Variants in TNPO2 observed in about 807,000 individuals in gnomAD.
The protein encoded by TNPO2 is transportin-2.
TNPO2 carries 16 observed loss-of-function variants against 111.1 expected under a neutral mutation model. That is an observed-to-expected ratio of 0.14 (90% CI 0.10 to 0.22). TNPO2 has a LOEUF of 0.22. TNPO2 is among the 10% of genes least tolerant of loss of function. The pLI, the probability that TNPO2 is intolerant of heterozygous loss-of-function variation, is 1.00. For synonymous variants in TNPO2, 481 were observed against 475.8 expected, an observed-to-expected ratio of 1.01 and a Z score of -0.14; for missense variants, 530 against 1,173.7, an observed-to-expected ratio of 0.45 and a Z score of 8.01.
chr19:12,710,326 A>T (rs985209026), intron 13 of TNPO2, among the ~76,000 whole-genome samples: 4 of 152,332 alleles, frequency 2.6e-5, no homozygotes, highest in African/African-American at 9.6e-5. Flanking sequence ...GTTTGTCTAC[A>T]TAAGTGCACG....
In TNPO2 at chr19:12,706,836, C is replaced by T. The variant is rs565941555; in HGVS notation, c.1271-41G>A. On this transcript the variant is annotated intron_variant, in intron 13 of 25. Transcript: ENST00000425528. This position sits in a 1 kb window ranked among gnomAD's most constrained non-coding sequence, Gnocchi z 7.0. ...ACCAAGAGGGGGCAGTTTGATTGGG[C>T]CCAGCCACACCCACCGTATGGAGAG... is the stretch of plus-strand genomic sequence containing the variant. 34 of 1,486,284 alleles carry T rather than the reference C, an allele frequency of 2.3e-5. No homozygotes were observed. In the South Asian group the frequency reaches 4.0e-4, roughly 17 times the overall value. 92.1% of individuals were successfully genotyped at this position (1,486,284 alleles called of 1,614,324 possible).
intron 13 of TNPO2, among the ~76,000 whole-genome samples, chr19:12,707,288 C>T (rs1391353691): frequency 6.6e-6 from 1 of 152,000 alleles, no homozygotes; most frequent in Non-Finnish European, 1.5e-5. Context: ...TGAGCCACCG[C>T]GCCCAGCCAA....
chr19:12,707,474 GTTTTCTTTTTT>G (rs1568333806), intron 13 of TNPO2, among the ~76,000 whole-genome samples: 1 of 124,202 alleles, frequency 8.1e-6, no homozygotes, highest in African/African-American at 3.0e-5. Context: ...ATGTTTGTGA[GTTTTCTTTTTT>G]TTTTTTTTTT....
In TNPO2 at chr19:12,701,725, C is replaced by G. The variant is rs2145443312; in HGVS notation, c.2511+27G>C. 1 of 1,613,400 alleles carries G rather than the reference C, an allele frequency of 6.2e-7. No homozygotes were observed. Among genetic ancestry groups the G allele is most frequent in the South Asian group, 1.1e-5 (1 of 91,076 alleles). Reference sequence around the variant, plus strand: ...GGCCGCCCGAGCCCAGCGCCCGCGCCTGCCCTCAGAGCCCAGCTGCCCCAA... The same window carrying G: ...GGCCGCCCGAGCCCAGCGCCCGCGCGTGCCCTCAGAGCCCAGCTGCCCCAA... On this transcript the variant is annotated intron_variant, in intron 23 of 25. Coordinates refer to ENST00000425528, the MANE Select transcript of TNPO2 (RefSeq NM_001382241.1). The surrounding 1 kb of genome is among the most constrained non-coding windows in gnomAD (Gnocchi z 5.0).
At chr19:12,703,645 C>G in intron 19 of TNPO2, 69 bp downstream of exon 19, 1 of 1,580,868 alleles carries the variant, frequency 6.3e-7, no homozygotes, top group East Asian at 2.2e-5. Flanking sequence ...CAGTCATCCC[C>G]GGGTATTGCT....
chr19:12,711,045 A>C (rs980391327), intron 12 of TNPO2, among the ~76,000 whole-genome samples: 28 of 152,082 alleles, frequency 1.8e-4, no homozygotes, highest in African/African-American at 5.5e-4. Context: ...CAGGCGCCCG[A>C]CACCACGCCC....
At position 12,721,829 on chromosome 19, in the gene TNPO2, A is replaced by ATC. The variant is rs1966979175; in HGVS notation, c.-13-841_-13-840dup. The ATC allele has an allele frequency of 1.3e-5, 2 of 153,360 alleles. No individual in the cohort carries two copies. Among genetic ancestry groups the ATC allele is most frequent in the African/African-American group, 4.8e-5 (2 of 41,358 alleles). 9.5% of individuals were successfully genotyped at this position (153,360 alleles called of 1,614,324 possible). On this transcript the variant is annotated intron_variant, in intron 2 of 25. Transcript: ENST00000425528. This position sits in a 1 kb window ranked among gnomAD's most constrained non-coding sequence, Gnocchi z 4.9. ...TGTCAGCAGTAACCCCTGCTGACGGATCTCTGTTGCCTCTCCCAGTCAAGT... is the reference window on the plus strand; with the variant it reads ...TGTCAGCAGTAACCCCTGCTGACGGATCTCTCTGTTGCCTCTCCCAGTCAAGT...
chr19:12,711,021 AGTAGCTGG>A (rs1277159095), intron 12 of TNPO2, among the ~76,000 whole-genome samples: 2 of 152,018 alleles, frequency 1.3e-5, no homozygotes, highest in Non-Finnish European at 2.9e-5. Flanking sequence ...CAGCCTCCCG[AGTAGCTGG>A]GACTACAGGC....
At position 12,715,189 on chromosome 19, in the gene TNPO2, C is replaced by A; in HGVS notation, c.649-20G>T. 1 of 1,613,368 alleles carries A rather than the reference C, an allele frequency of 6.2e-7. No homozygotes were observed. The highest frequency in any genetic ancestry group is 1.1e-5 in the South Asian group (1 of 91,036). The stretch of plus-strand genomic sequence containing the variant: ...TAGGTGCTGCAGGGAGGAACAGGGT[C>A]AGTTGTAGGGGCCCTCAGTCCTCGC... On this transcript the variant is annotated intron_variant, in intron 8 of 25. Coordinates refer to ENST00000425528, the MANE Select transcript of TNPO2 (RefSeq NM_001382241.1). The surrounding 1 kb of genome is among the most constrained non-coding windows in gnomAD (Gnocchi z 7.1).
In TNPO2 at chr19:12,715,789, A is replaced by G; in HGVS notation, c.326-50T>C. The stretch of plus-strand genomic sequence containing the variant: ...GCCTGAGGCTGGGCAGGGGCTGCCT[A>G]GCACCTCCCCCTCCCACTGGACACC... On this transcript the variant is annotated intron_variant, in intron 5 of 25. Transcript: ENST00000425528. This position sits in a 1 kb window ranked among gnomAD's most constrained non-coding sequence, Gnocchi z 7.1. 6.8e-7 allele frequency: 1 copy of G among 1,470,966 alleles called. No individual in the cohort carries two copies. The highest frequency in any genetic ancestry group is 9.3e-7 in the Non-Finnish European group (1 of 1,077,346). 91.1% of individuals were successfully genotyped at this position (1,470,966 alleles called of 1,614,324 possible).
At position 12,705,546 on chromosome 19, in the gene TNPO2, C is replaced by A; in HGVS notation, c.1809G>T (p.Glu603Asp). The A allele has an allele frequency of 6.2e-7, 1 of 1,605,908 alleles. No homozygotes were observed. Among genetic ancestry groups the A allele is most frequent in the Admixed American group, 1.7e-5 (1 of 58,942 alleles). Reference sequence around the variant, plus strand: ...GGGTGACACAGCGCTGGTAGACGGGCTCACAGTAAGGCAGGAAGCCACTCT... The same window carrying A: ...GGGTGACACAGCGCTGGTAGACGGGATCACAGTAAGGCAGGAAGCCACTCT... ...ALQSGFLPYC[E>D]PVYQRCVTLV... The change falls in exon 17 of 26, where the codon GAG becomes GAT. Residue 603 changes from glutamate to aspartate, a missense_variant. Transcript: ENST00000425528. The surrounding 1 kb of genome is among the most constrained non-coding windows in gnomAD (Gnocchi z 7.2).
At position 12,702,137 on chromosome 19, in the gene TNPO2, G is replaced by A. The variant is rs376478097; in HGVS notation, c.2346C>T (p.Ile782=). The change falls in exon 22 of 26, where the codon ATC becomes ATT. Residue 782 remains isoleucine, a synonymous_variant. Coordinates refer to ENST00000425528, the MANE Select transcript of TNPO2 (RefSeq NM_001382241.1). This position sits in a 1 kb window ranked among gnomAD's most constrained non-coding sequence, Gnocchi z 5.5. ...TSPSAIPAIT[I]GRLGYVCPQE... Reference sequence around the variant, plus strand: ...GGGGGCACACGTAGCCCAAGCGGCCGATGGTGATGGCTGGAATGGCAGAGG... The same window carrying A: ...GGGGGCACACGTAGCCCAAGCGGCCAATGGTGATGGCTGGAATGGCAGAGG... The A allele has an allele frequency of 5.8e-4, 936 of 1,613,558 alleles. 10 individuals are homozygous for A. The South Asian group carries it at 8.6e-3, about 15-fold the overall frequency.
Position 12,705,840 on chromosome 19 carries a change from G to A in TNPO2, c.1669-72C>T, listed in dbSNP as rs1038799274. The A allele has an allele frequency of 2.4e-5, 27 of 1,132,228 alleles. 1 individual carries two copies. The South Asian group carries it at 3.0e-4, about 12-fold the overall frequency. The allele number at this position is 1,132,228 out of a possible 1,614,324, so 70.1% of individuals were successfully genotyped here. ...ACTGTGACTCAGGTACCTGTTGCCC[G>A]AGTGATGAGGCCTGAGCGCCTCACC... On this transcript the variant is annotated intron_variant, in intron 15 of 25. Transcript: ENST00000425528. This position sits in a 1 kb window ranked among gnomAD's most constrained non-coding sequence, Gnocchi z 7.2.
chr19:12,701,288 C>T lies in TNPO2; in HGVS notation c.*20+38G>A. ...GTCATGGCCTGGGACCTTTCGGCCC[C>T]CAAGACAGTGCTGACTTGCCAGCTG... is the stretch of plus-strand genomic sequence containing the variant. On this transcript the variant is annotated intron_variant, in intron 25 of 25. Transcript: ENST00000425528. This position sits in a 1 kb window ranked among gnomAD's most constrained non-coding sequence, Gnocchi z 5.0. 2 of 1,451,794 alleles carry T rather than the reference C, an allele frequency of 1.4e-6. No individual in the cohort carries two copies. Among genetic ancestry groups the T allele is most frequent in the African/African-American group, 1.4e-5 (1 of 70,970 alleles). The allele number at this position is 1,451,794 out of a possible 1,614,324, so 89.9% of individuals were successfully genotyped here.
In TNPO2 at chr19:12,719,022, CT is replaced by C. The variant is rs148654067; in HGVS notation, c.325+6del. The C allele has an allele frequency of 3.9e-4, 637 of 1,613,308 alleles. 8 individuals are homozygous for C. The East Asian group carries it at 0.014, about 35-fold the overall frequency. Reference sequence around the variant, plus strand: ...CCTCAGAGGCCAACCCCCGCTGCCCCTCTCACCAATGGTGGCTCGGATGAGC... The same window carrying C: ...CCTCAGAGGCCAACCCCCGCTGCCCCCTCACCAATGGTGGCTCGGATGAGC... On this transcript the variant is annotated splice_donor_region_variant and intron_variant, in intron 5 of 25. Coordinates refer to ENST00000425528, the MANE Select transcript of TNPO2 (RefSeq NM_001382241.1). The surrounding 1 kb of genome is among the most constrained non-coding windows in gnomAD (Gnocchi z 5.0).
chr19:12,714,187 G>C (rs1354371149), intron 10 of TNPO2, among the ~76,000 whole-genome samples: 1 of 152,160 alleles, frequency 6.6e-6, no homozygotes, highest in African/African-American at 2.4e-5. Context: ...ACTACCCAGA[G>C]GGAAGGTTGT....
rs1252749809 is a variant in TNPO2, at chr19:12,702,396, T to C, written c.2306-219A>G. 1.5e-6 allele frequency: 1 copy of C among 670,758 alleles called. No homozygotes were observed. Among genetic ancestry groups the C allele is most frequent in the Non-Finnish European group, 2.7e-6 (1 of 365,986 alleles). 41.6% of individuals were successfully genotyped at this position (670,758 alleles called of 1,614,324 possible). A position where few individuals can be genotyped will look rare whatever the true frequency, so the allele number is the denominator to read the frequency against. On this transcript the variant is annotated intron_variant, in intron 21 of 25. Coordinates refer to ENST00000425528, the MANE Select transcript of TNPO2 (RefSeq NM_001382241.1). The surrounding 1 kb of genome is among the most constrained non-coding windows in gnomAD (Gnocchi z 5.5). ...TTTCCCTTTCCTTTTTGTTTTTTTT[T>C]GTTTTGTTTTGTTTTTGAGATGGAG...
Position 12,711,432 on chromosome 19 carries a change from G to T in TNPO2, c.981C>A (p.Pro327=). Residue 327 remains proline (P), a synonymous_variant, in exon 12 of 26, where the codon CCC becomes CCA. Transcript: ENST00000425528. ...GTGGCTTGATGTCCTGCTCACTGTCGGGGACAGCCTCATCCTCCTCCACAT... is the reference window on the plus strand; with the variant it reads ...GTGGCTTGATGTCCTGCTCACTGTCTGGGACAGCCTCATCCTCCTCCACAT... ...KGDVEEDEAV[P]DSEQDIKPRF... 4 of 1,613,988 alleles carry T rather than the reference G, an allele frequency of 2.5e-6. No individual in the cohort carries two copies. The Admixed American group carries it at 5.0e-5, about 20-fold the overall frequency.
Position 12,715,759 on chromosome 19 carries a change from A to ACG in TNPO2, c.326-22_326-21dup, listed in dbSNP as rs2026324701. 6.3e-7 allele frequency: 1 copy of ACG among 1,587,394 alleles called. No homozygotes were observed. The highest frequency in any genetic ancestry group is 1.1e-5 in the South Asian group (1 of 88,142). ...GAATGCCTGGGGCGGCCGGGAAAGG[A>ACG]CGCTGCCTGAGGCTGGGCAGGGGCT... On this transcript the variant is annotated intron_variant, in intron 5 of 25. Transcript: ENST00000425528. The surrounding 1 kb of genome is among the most constrained non-coding windows in gnomAD (Gnocchi z 7.1).
Sources: allele counts gnomAD v4.1 joint callset (sites outside exome capture counted in the v4.1 genomes callset), GRCh38; gene constraint gnomAD v4.1.1; non-coding constraint Gnocchi (gnomAD v3.1); transcripts MANE v1.5; gene names NCBI Gene and HGNC (gene_info 2026-07-23, HGNC 2026-07-21).